The following PAH variants were observed in gnomAD, a reference collection of about 807,000 sequenced individuals.
PAH encodes phenylalanine-4-hydroxylase.
In PAH, 64 loss-of-function variants were observed where a neutral mutation model predicts 62.0. That is an observed-to-expected ratio of 1.03 (90% confidence interval 0.84 to 1.27). PAH has a LOEUF of 1.27. Ranked by LOEUF, PAH falls within the 50% of genes most tolerant of loss-of-function variation. The pLI, the probability that PAH is intolerant of heterozygous loss-of-function variation, is 0.00. For synonymous variants in PAH, 195 were observed against 196.2 expected (o/e 0.99, Z 0.05); for missense variants, 579 against 542.8 (o/e 1.07, Z -0.66).
intron 6 of PAH, chr12:102,854,746 G>A (rs1019320293): frequency 1.1e-4 from 33 of 303,342 alleles, no homozygotes; most frequent in East Asian, 9.3e-4. Context: ...CACCATCCCC[G>A]AAAATAGCAC....
intron 4 of PAH, among the ~76,000 whole-genome samples, chr12:102,868,905 A>G (rs1565855510): frequency 6.6e-6 from 1 of 152,222 alleles, no homozygotes; most frequent in Non-Finnish European, 1.5e-5. Flanking sequence ...CCCTAAGGAT[A>G]ATATGTAGAC....
intron 5 of PAH, among the ~76,000 whole-genome samples, chr12:102,866,364 A>G (rs1386883998): frequency 2.6e-5 from 4 of 152,120 alleles, no homozygotes; most frequent in Non-Finnish European, 5.9e-5. Flanking sequence ...GCCCCCGCAC[A>G]GTGGGTAATT....
At chr12:102,888,770 G>A (rs1877141609) in intron 3 of PAH, among the ~76,000 whole-genome samples, 2 of 151,826 alleles carry the variant, frequency 1.3e-5, no homozygotes, top group Admixed American at 1.3e-4. Context: ...CAGCTGCCAG[G>A]ACTTAGTGCT....
intron 1 of PAH, among the ~76,000 whole-genome samples, chr12:102,926,557 AT>A (rs1169747457): frequency 2.0e-5 from 3 of 151,708 alleles, no homozygotes; most frequent in Non-Finnish European, 4.4e-5. Flanking sequence ...AGTTTTTGCC[AT>A]TAAAAAAATG....
At chr12:102,926,888 G>A (rs1878698038) in intron 1 of PAH, among the ~76,000 whole-genome samples, 1 of 148,038 alleles carries the variant, frequency 6.8e-6, no homozygotes, top group Non-Finnish European at 1.5e-5. Flanking sequence ...TGTGTTCAGT[G>A]ACATGATGTT....
At chr12:102,935,992 T>G (rs1879087971) in intron 1 of PAH, among the ~76,000 whole-genome samples, 1 of 151,974 alleles carries the variant, frequency 6.6e-6, no homozygotes, top group Non-Finnish European at 1.5e-5. Context: ...TATTTGAATT[T>G]TTTTAATTTT....
intron 5 of PAH, 78 bp downstream of exon 5, chr12:102,866,518 C>T (rs773677184): frequency 1.5e-5 from 17 of 1,117,486 alleles, no homozygotes; most frequent in Non-Finnish European, 2.2e-5. Context: ...TTTCCATCCT[C>T]AACTGGATGA....
At chr12:102,856,742 G>A (rs1189221271) in intron 5 of PAH, among the ~76,000 whole-genome samples, 1 of 152,234 alleles carries the variant, frequency 6.6e-6, no homozygotes, top group South Asian at 2.1e-4. Context: ...TGGACCTCCA[G>A]CCAACTCCAA....
At position 102,838,147 on chromosome 12, in the gene PAH, A is replaced by T. The variant is rs1874438113; in HGVS notation, c.*1028T>A. ...TCATGGCAAACACACAATCAACAAA[A>T]GTCAAAGTCCGTTGACTGTCCAGGC... is the stretch of plus-strand genomic sequence containing the variant. On this transcript the variant is annotated 3_prime_UTR_variant, in exon 13 of 13. Transcript: ENST00000553106. The T allele has an allele frequency of 6.6e-6, 1 of 152,212 alleles. No homozygotes were observed. The highest frequency in any genetic ancestry group is 2.1e-4 in the South Asian group (1 of 4,826). The allele number at this position is 152,212 out of a possible 1,614,324, so 9.4% of individuals were successfully genotyped here. A position where few individuals can be genotyped will look rare whatever the true frequency, so the allele number is the denominator to read the frequency against.
At chr12:102,922,563 C>T (rs535740359) in intron 1 of PAH, among the ~76,000 whole-genome samples, 54 of 152,240 alleles carry the variant, frequency 3.5e-4, no homozygotes, top group African/African-American at 1.3e-3. Context: ...ACAGGAAGAC[C>T]TTATTTATTC....
At chr12:102,915,581 A>G (rs889633517) in intron 1 of PAH, among the ~76,000 whole-genome samples, 3 of 152,212 alleles carry the variant, frequency 2.0e-5, no homozygotes, top group African/African-American at 4.8e-5. Flanking sequence ...ATATTTCACC[A>G]TGCTGATCCC....
At chr12:102,868,048 A>ATG (rs55637119) in intron 4 of PAH, among the ~76,000 whole-genome samples, 15,017 of 111,768 alleles carry the variant, frequency 0.13, 3,503 homozygotes, top group East Asian at 0.75. Context: ...ACCTATATAT[A>ATG]TGTATATATA....
chr12:102,844,106 A>C (rs1310266486), intron 10 of PAH, among the ~76,000 whole-genome samples: 1 of 152,184 alleles, frequency 6.6e-6, no homozygotes, highest in Non-Finnish European at 1.5e-5. Flanking sequence ...CCTTGGAATC[A>C]GGAGGCCCCT....
At chr12:102,893,362 T>C (rs1592977849) in intron 3 of PAH, among the ~76,000 whole-genome samples, 1 of 151,846 alleles carries the variant, frequency 6.6e-6, no homozygotes. Flanking sequence ...ATCGCACCAT[T>C]GCACTCCAGC....
intron 5 of PAH, 108 bp downstream of exon 5, chr12:102,866,488 A>C: frequency 1.2e-6 from 1 of 848,136 alleles, no homozygotes; most frequent in Non-Finnish European, 2.1e-6. Context: ...CACAGAAGGC[A>C]GGACTCTTCA....
upstream of PAH, among the ~76,000 whole-genome samples, chr12:102,921,455 C>T (rs952984849): frequency 6.6e-6 from 1 of 152,194 alleles, no homozygotes; most frequent in Non-Finnish European, 1.5e-5. Flanking sequence ...CACATTGCCT[C>T]CCAATGTGTC....
At chr12:102,945,535 C>T (rs1208558345) in intron 1 of PAH, among the ~76,000 whole-genome samples, 2 of 152,178 alleles carry the variant, frequency 1.3e-5, no homozygotes. Context: ...CCCATTCTTC[C>T]CTCCCCTTTC....
chr12:102,943,756 C>A (rs1372042122), intron 1 of PAH, among the ~76,000 whole-genome samples: 1 of 152,080 alleles, frequency 6.6e-6, no homozygotes, highest in Non-Finnish European at 1.5e-5. Context: ...ATGTCATTTG[C>A]AGCAACATGG....
In PAH at chr12:102,912,946, A is replaced by G. The variant is rs778803550; in HGVS notation, c.61-48T>C. ...TTAAAACATTTTCCACAGTTTAGCAATTCATTCCTGTTAAACCTCCATGGA... is the reference window on the plus strand; with the variant it reads ...TTAAAACATTTTCCACAGTTTAGCAGTTCATTCCTGTTAAACCTCCATGGA... On this transcript the variant is annotated intron_variant, in intron 1 of 12. Coordinates refer to ENST00000553106, the MANE Select transcript of PAH (RefSeq NM_000277.3). 4.5e-5 allele frequency: 58 copies of G among 1,298,344 alleles called. No homozygotes were observed. In the East Asian group the frequency reaches 1.2e-3, roughly 28 times the overall value. The allele number at this position is 1,298,344 out of a possible 1,614,324, so 80.4% of individuals were successfully genotyped here.
Sources: gnomAD v4.1 joint callset for allele counts (sites outside exome capture counted in the v4.1 genomes callset) on GRCh38, gnomAD v4.1.1 for gene constraint, MANE v1.5 for transcripts, NCBI Gene and HGNC (gene_info 2026-07-23, HGNC 2026-07-21) for gene names.